The following DCAF1 variants were observed in gnomAD, a reference collection of about 807,000 sequenced individuals.
DCAF1 encodes the protein DDB1- and CUL4-associated factor 1.
In DCAF1, 15 loss-of-function variants were observed where a neutral mutation model predicts 128.0. The observed-to-expected ratio is 0.12, with a 90% confidence interval of 0.08 to 0.18. The LOEUF is 0.18. DCAF1 is among the 10% of genes least tolerant of loss of function. The probability of loss-of-function intolerance (pLI) is 1.00; values close to 1 mark genes in which losing one functional copy is unlikely to be tolerated. For synonymous variants in DCAF1, 610 were observed against 603.0 expected (o/e 1.01, Z -0.17); for missense variants, 988 against 1,649.5 (o/e 0.60, Z 6.95).
intron 2 of DCAF1, among the ~76,000 whole-genome samples, chr3:51,492,863 AGG>A (rs1707815206): frequency 6.6e-6 from 1 of 151,852 alleles, no homozygotes; most frequent in African/African-American, 2.4e-5. Context: ...GCGTGGTGGC[AGG>A]CACCAGTAGT....
chr3:51,490,461 C>T (rs1707501042), intron 2 of DCAF1, among the ~76,000 whole-genome samples: 1 of 152,116 alleles, frequency 6.6e-6, no homozygotes, highest in African/African-American at 2.4e-5. Context: ...AAACACAAGA[C>T]TTGTATGCTG....
intron 6 of DCAF1, among the ~76,000 whole-genome samples, chr3:51,457,881 C>A (rs1553643303): frequency 6.6e-6 from 1 of 152,154 alleles, no homozygotes; most frequent in African/African-American, 2.4e-5. Flanking sequence ...TTTGTCACCA[C>A]CAGGCCTGCC....
At chr3:51,490,306 C>T (rs1553657373) in intron 2 of DCAF1, among the ~76,000 whole-genome samples, 1 of 152,058 alleles carries the variant, frequency 6.6e-6, no homozygotes, top group East Asian at 1.9e-4. Context: ...AGGTATGCAC[C>T]TGTACTCCCA....
intron 18 of DCAF1, among the ~76,000 whole-genome samples, chr3:51,415,303 G>A (rs1246347050): frequency 6.6e-6 from 1 of 151,840 alleles, no homozygotes; most frequent in African/African-American, 2.4e-5. Context: ...GACCAGCCTG[G>A]GCAACGTTGG....
chr3:51,427,132 A>G (rs782662214), intron 13 of DCAF1, among the ~76,000 whole-genome samples: 5 of 152,250 alleles, frequency 3.3e-5, no homozygotes, highest in Non-Finnish European at 5.9e-5. Flanking sequence ...CTTCTCCGAC[A>G]GTACAGAGGC....
At chr3:51,470,642 G>A (rs1470386040) in intron 4 of DCAF1, among the ~76,000 whole-genome samples, 1 of 152,082 alleles carries the variant, frequency 6.6e-6, no homozygotes, top group Non-Finnish European at 1.5e-5. Context: ...GTTAACTAAA[G>A]TACACCTACT....
At chr3:51,453,588 T>C (rs1702570937) in intron 6 of DCAF1, among the ~76,000 whole-genome samples, 1 of 152,038 alleles carries the variant, frequency 6.6e-6, no homozygotes, top group Non-Finnish European at 1.5e-5. Context: ...GCTTTTCTTT[T>C]AACCTGTCTC....
chr3:51,485,979 C>T (rs964773933), intron 2 of DCAF1, among the ~76,000 whole-genome samples: 3 of 150,646 alleles, frequency 2.0e-5, no homozygotes, highest in African/African-American at 7.3e-5. Flanking sequence ...GTAACGTCTA[C>T]CTGCTGGGTT....
upstream of DCAF1, among the ~76,000 whole-genome samples, chr3:51,500,770 C>G (rs532238168): frequency 2.7e-5 from 4 of 150,582 alleles, no homozygotes; most frequent in African/African-American, 7.3e-5. Flanking sequence ...AGGCTGTTCT[C>G]GAACTCCTGG....
At chr3:51,416,150 A>G (rs1698862925) in intron 18 of DCAF1, among the ~76,000 whole-genome samples, 1 of 151,770 alleles carries the variant, frequency 6.6e-6, no homozygotes, top group African/African-American at 2.4e-5. Flanking sequence ...CTCACCCACC[A>G]GTGTCTTCAT....
At chr3:51,422,742 G>C (rs1699518256) in intron 13 of DCAF1, among the ~76,000 whole-genome samples, 1 of 152,148 alleles carries the variant, frequency 6.6e-6, no homozygotes, top group Non-Finnish European at 1.5e-5. Context: ...GTTTTGGTGA[G>C]AGTAGAAATT....
Position 51,452,953 on chromosome 3 carries a change from T to C in DCAF1, c.376-9050A>G, listed in dbSNP as rs370603440. On this transcript the variant is annotated intron_variant, in intron 6 of 24. Coordinates refer to ENST00000684031, the MANE Select transcript of DCAF1 (RefSeq NM_001387579.1). ...ATCACTTGAACCCAGGAGGTGGAGG[T>C]TGCAGTGAGCCGAGATCACACTATT... is the stretch of plus-strand genomic sequence containing the variant. Among the ~76,000 whole-genome samples, 45 of 149,784 alleles carry C rather than the reference T, an allele frequency of 3.0e-4. No individual in the cohort carries two copies. The East Asian group carries it at 7.3e-3, about 24-fold the overall frequency.
intron 6 of DCAF1, among the ~76,000 whole-genome samples, chr3:51,446,789 C>T (rs562369218): frequency 2.8e-4 from 42 of 151,538 alleles, no homozygotes; most frequent in African/African-American, 1.0e-3. Context: ...GGTGAAACCC[C>T]CATCTTTACT....
intron 3 of DCAF1, among the ~76,000 whole-genome samples, chr3:51,477,300 G>A (rs1335990373): frequency 6.7e-6 from 1 of 150,334 alleles, no homozygotes; most frequent in Non-Finnish European, 1.5e-5. Context: ...ACCCAAACCT[G>A]CAGCCAGATG....
At chr3:51,456,454 C>T (rs749625161) in intron 6 of DCAF1, among the ~76,000 whole-genome samples, 5 of 152,242 alleles carry the variant, frequency 3.3e-5, no homozygotes, top group Non-Finnish European at 7.3e-5. Flanking sequence ...CTCAAGGAGG[C>T]CTGCCTGCCT....
chr3:51,423,815 G>A (rs1210689456), intron 13 of DCAF1, among the ~76,000 whole-genome samples: 12 of 124,456 alleles, frequency 9.6e-5, no homozygotes, highest in South Asian at 5.1e-4. Flanking sequence ...GTGAGACTCC[G>A]TTTCAAAAAA....
At chr3:51,444,360 T>TAA (rs376066730) in intron 6 of DCAF1, among the ~76,000 whole-genome samples, 1 of 137,160 alleles carries the variant, frequency 7.3e-6, no homozygotes, top group Admixed American at 7.4e-5. Flanking sequence ...ACCTTCTTTT[T>TAA]AAAAAAAAAA....
At chr3:51,399,367 T>C (rs1360305466) in intron 24 of DCAF1, among the ~76,000 whole-genome samples, 2 of 152,362 alleles carry the variant, frequency 1.3e-5, no homozygotes, top group East Asian at 3.9e-4. Context: ...CCTAGATTCA[T>C]GCCTCTGTAA....
chr3:51,462,717 G>C (rs1553645000), intron 6 of DCAF1, among the ~76,000 whole-genome samples: 3 of 135,288 alleles, frequency 2.2e-5, no homozygotes, highest in African/African-American at 5.7e-5. Context: ...CTGCACTCCA[G>C]CATGGGTGAC....
Sources: gnomAD v4.1 joint callset for allele counts (sites outside exome capture counted in the v4.1 genomes callset) on GRCh38, gnomAD v4.1.1 for gene constraint, MANE v1.5 for transcripts, NCBI Gene and HGNC (gene_info 2026-07-23, HGNC 2026-07-21) for gene names.